The following PTK2B variants were observed in gnomAD, a reference collection of about 807,000 sequenced individuals.
PTK2B encodes protein-tyrosine kinase 2-beta.
PTK2B carries 71 observed loss-of-function variants against 142.9 expected under a neutral mutation model. The observed-to-expected ratio is 0.50, with a 90% CI of 0.41 to 0.61. PTK2B has a LOEUF of 0.61. PTK2B is among the 20% of genes least tolerant of loss of function. The pLI, the probability that PTK2B is intolerant of heterozygous loss-of-function variation, is 0.00. For missense variants in PTK2B, 1,105 were observed against 1,320.4 expected, an observed-to-expected ratio of 0.84 and a Z score of 2.53; for synonymous variants, 519 against 503.4, an observed-to-expected ratio of 1.03 and a Z score of -0.42.
chr8:27,368,587 T>A (rs950045602), intron 1 of PTK2B, among the ~76,000 whole-genome samples: 1 of 152,240 alleles, frequency 6.6e-6, no homozygotes, highest in Admixed American at 6.5e-5. Flanking sequence ...TCACCTGGTG[T>A]GATTTTGCTC....
Position 27,458,492 on chromosome 8 carries a change from CACCCACCTGCAGAGTGACGGAGGGTGGG to C in PTK2B, c.3014_*11del. 1 of 1,577,604 alleles carries C rather than the reference CACCCACCTGCAGAGTGACGGAGGGTGGG, an allele frequency of 6.3e-7. No individual in the cohort carries two copies. Among genetic ancestry groups the C allele is most frequent in the East Asian group, 2.3e-5 (1 of 43,052 alleles). On this transcript the variant is annotated stop_lost and 3_prime_UTR_variant, in exon 31 of 31. Transcript: ENST00000346049. ...GGCCAAGGTTCTGGCCAATCTGGCCCACCCACCTGCAGAGTGACGGAGGGTGGGGGCCACCTGCCTGCGTCTTCCGCCC... is the reference window on the plus strand; with the variant it reads ...GGCCAAGGTTCTGGCCAATCTGGCCCGGCCACCTGCCTGCGTCTTCCGCCC...
intron 2 of PTK2B, among the ~76,000 whole-genome samples, chr8:27,399,709 G>A (rs1413468017): frequency 6.6e-6 from 1 of 152,226 alleles, no homozygotes; most frequent in African/African-American, 2.4e-5. Context: ...AGAAGTGACT[G>A]ACTTCCAGGA....
At chr8:27,455,607 CAG>C (rs575548550) in intron 30 of PTK2B, among the ~76,000 whole-genome samples, 314 of 152,292 alleles carry the variant, frequency 2.1e-3, no homozygotes, top group African/African-American at 7.3e-3. Context: ...GTCAGGGTGA[CAG>C]ATGTGATGGA....
rs140566992 is a variant in PTK2B at position 27,439,478 on chromosome 8, G to A, written c.1834+80G>A. On this transcript the variant is annotated intron_variant, in intron 20 of 30. Coordinates refer to ENST00000346049, the MANE Select transcript of PTK2B (RefSeq NM_173176.3). ...CAGGCTAAGGGGGTGGGTGCAGGGA[G>A]CAGGGGTCTGACCTCCACCCTCCGT... The A allele has an allele frequency of 1.3e-5, 18 of 1,439,924 alleles. No homozygotes were observed. In the East Asian group the frequency reaches 4.1e-4, roughly 33 times the overall value. The allele number at this position is 1,439,924 out of a possible 1,614,324, so 89.2% of individuals were successfully genotyped here.
At chr8:27,419,135 T>C (rs932815060) in intron 2 of PTK2B, among the ~76,000 whole-genome samples, 1 of 152,244 alleles carries the variant, frequency 6.6e-6, no homozygotes, top group Non-Finnish European at 1.5e-5. Context: ...TCTCTGGCTC[T>C]AGGCCAGGAA....
intron 1 of PTK2B, among the ~76,000 whole-genome samples, chr8:27,395,290 A>T (rs1367661388): frequency 6.6e-6 from 1 of 152,022 alleles, no homozygotes; most frequent in Non-Finnish European, 1.5e-5. Context: ...TGACCTTGCC[A>T]CTGTTATGAT....
chr8:27,445,864 C>G lies in PTK2B; in HGVS notation c.2285C>G (p.Ser762Ter). 6 of 1,614,146 alleles carry G rather than the reference C, an allele frequency of 3.7e-6. No individual in the cohort carries two copies. Among genetic ancestry groups the G allele is most frequent in the Non-Finnish European group, 5.1e-6 (6 of 1,180,038 alleles). The change falls in exon 24 of 31, where the codon TCA becomes TGA. Residue 762 changes from serine to a stop codon, truncating the protein, a stop_gained. Coordinates refer to ENST00000346049, the MANE Select transcript of PTK2B (RefSeq NM_173176.3). LOFTEE classifies it high-confidence loss of function. ...ATGGAGTATCCATCTCCCGTTAACT[C>G]ACTGCACACCCCACCTCTCCACCGG... ...SPMEYPSPVN[S>*]LHTPPLHRHN...
intron 2 of PTK2B, among the ~76,000 whole-genome samples, chr8:27,411,540 C>T (rs372085204): frequency 3.3e-5 from 5 of 152,154 alleles, no homozygotes; most frequent in African/African-American, 1.2e-4. Context: ...CATTCTGCAG[C>T]TTAACATGAT....
At chr8:27,386,807 T>C (rs192244658) in intron 1 of PTK2B, among the ~76,000 whole-genome samples, 9 of 152,172 alleles carry the variant, frequency 5.9e-5, no homozygotes, top group Admixed American at 3.3e-4. Flanking sequence ...TTTTAAGGTG[T>C]TGAGAGATGG....
chr8:27,341,672 G>T (rs866485956), intron 1 of PTK2B, among the ~76,000 whole-genome samples: 2 of 152,046 alleles, frequency 1.3e-5, no homozygotes, highest in Non-Finnish European at 1.5e-5. Context: ...CTGTGGGGGG[G>T]TTTTGTGTGT....
chr8:27,370,048 G>C (rs1806256340), intron 1 of PTK2B, among the ~76,000 whole-genome samples: 1 of 152,216 alleles, frequency 6.6e-6, no homozygotes, highest in Non-Finnish European at 1.5e-5. Flanking sequence ...TGAGGCAACT[G>C]AGGTCTCCAT....
At chr8:27,380,648 C>T (rs549733840) in intron 1 of PTK2B, 1 of 152,228 alleles carries the variant, frequency 6.6e-6, no homozygotes, top group South Asian at 2.1e-4. Context: ...GACTCAGAGA[C>T]ACCCAGGAAG....
intron 1 of PTK2B, among the ~76,000 whole-genome samples, chr8:27,333,836 G>A (rs1169995485): frequency 6.6e-6 from 1 of 152,088 alleles, no homozygotes; most frequent in East Asian, 1.9e-4. Flanking sequence ...ATCCAGATGT[G>A]ATGATTCCCA....
At chr8:27,435,657 C>G (rs1810724246) in intron 13 of PTK2B, 86 bp from the exon 14 acceptor site, 1 of 1,513,136 alleles carries the variant, frequency 6.6e-7, no homozygotes, top group South Asian at 1.1e-5. Flanking sequence ...CTCCACTGGC[C>G]TCCAGCAGGG....
chr8:27,398,849 A>G (rs1808216858), intron 2 of PTK2B, among the ~76,000 whole-genome samples: 1 of 152,248 alleles, frequency 6.6e-6, no homozygotes, highest in East Asian at 1.9e-4. Flanking sequence ...TCCGTCTGCT[A>G]TAGCACACGC....
chr8:27,359,061 G>A (rs777003168), intron 1 of PTK2B, among the ~76,000 whole-genome samples: 13 of 151,882 alleles, frequency 8.6e-5, no homozygotes, highest in Non-Finnish European at 1.8e-4. Flanking sequence ...TTAGCCATTA[G>A]GATTATTATC....
chr8:27,364,825 TCTA>T (rs989579230), intron 1 of PTK2B, among the ~76,000 whole-genome samples: 64 of 152,202 alleles, frequency 4.2e-4, no homozygotes, highest in Admixed American at 1.3e-4. Flanking sequence ...TCTTCCTTCA[TCTA>T]CTCCTTTTTC....
intron 1 of PTK2B, among the ~76,000 whole-genome samples, chr8:27,367,262 C>T (rs996396142): frequency 5.3e-5 from 8 of 152,168 alleles, no homozygotes; most frequent in Non-Finnish European, 4.4e-5. Context: ...CAGTGGCCAT[C>T]CTGGTTTTGG....
chr8:27,456,857 C>A (rs559270811), intron 30 of PTK2B, among the ~76,000 whole-genome samples: 3 of 152,186 alleles, frequency 2.0e-5, no homozygotes, highest in Non-Finnish European at 4.4e-5. Flanking sequence ...GCCACAACAT[C>A]CCCTTATGCC....
Sources: gnomAD v4.1 joint callset for allele counts (sites outside exome capture counted in the v4.1 genomes callset) on GRCh38, gnomAD v4.1.1 for gene constraint, MANE v1.5 for transcripts, NCBI Gene and HGNC (gene_info 2026-07-23, HGNC 2026-07-21) for gene names.